The following ARHGAP23 variants were observed in gnomAD, a reference collection of about 807,000 sequenced individuals.
ARHGAP23 encodes the protein Rho GTPase activating protein 23.
In ARHGAP23, 34 loss-of-function variants were observed where a neutral mutation model predicts 136.3. The observed-to-expected ratio is 0.25, with a 90% CI of 0.19 to 0.33. ARHGAP23 has a LOEUF of 0.33. ARHGAP23 is among the 10% of genes least tolerant of loss of function. ARHGAP23 has a pLI of 1.00. For missense variants in ARHGAP23, 1,808 were observed against 2,139.0 expected, an observed-to-expected ratio of 0.85 and a Z score of 3.05; for synonymous variants, 832 against 920.5, an observed-to-expected ratio of 0.90 and a Z score of 1.74.
chr17:38,432,054 A>T (rs2038696606), intron 1 of ARHGAP23, among the ~76,000 whole-genome samples: 1 of 152,208 alleles, frequency 6.6e-6, no homozygotes, highest in African/African-American at 2.4e-5. Context: ...ACCAGGGAAC[A>T]GCCCCGCCTG....
Position 38,457,783 on chromosome 17 carries a change from G to A in ARHGAP23, c.64-319G>A, listed in dbSNP as rs1412768529. The stretch of plus-strand genomic sequence containing the variant: ...GGCTGTATCCAGGGTCCTGCACATA[G>A]TAGGTGCTCAGTGAACATTTGCTGA... On this transcript the variant is annotated intron_variant, in intron 1 of 23. Coordinates refer to ENST00000622683, the MANE Select transcript of ARHGAP23 (RefSeq NM_001199417.2). 6 of 475,028 alleles carry A rather than the reference G, an allele frequency of 1.3e-5. No individual in the cohort carries two copies. The East Asian group carries it at 2.4e-4, about 19-fold the overall frequency. 29.4% of individuals were successfully genotyped at this position (475,028 alleles called of 1,614,324 possible). A position where few individuals can be genotyped will look rare whatever the true frequency, so the allele number is the denominator to read the frequency against.
At position 38,462,862 on chromosome 17, in the gene ARHGAP23, C is replaced by T; in HGVS notation, c.270C>T (p.Tyr90=). The T allele has an allele frequency of 6.6e-7, 1 of 1,522,856 alleles. No individual in the cohort carries two copies. The highest frequency in any genetic ancestry group is 1.3e-5 in the South Asian group (1 of 79,500). 94.3% of individuals were successfully genotyped at this position (1,522,856 alleles called of 1,614,324 possible). Residue 90 remains tyrosine, a synonymous_variant, in exon 4 of 24, where the codon TAC becomes TAT. Transcript: ENST00000622683. ...GGRGGGPSPR[Y]RLEPMDTIFV... is the part of the protein sequence containing the mutation. The stretch of plus-strand genomic sequence containing the variant: ...GCCCACTAGGACCCTCCCCCCGGTA[C>T]CGCCTGGAGCCCATGGACACCATCT...
intron 1 of ARHGAP23, among the ~76,000 whole-genome samples, chr17:38,444,776 C>T (rs1420340353): frequency 6.6e-6 from 1 of 151,958 alleles, no homozygotes. Context: ...GAGACTTCTC[C>T]TGGGCACCAA....
Position 38,466,534 on chromosome 17 carries a change from G to GT in ARHGAP23, c.851_852insT (p.Gln285ProfsTer69), listed in dbSNP as rs1567798934. The stretch of plus-strand genomic sequence containing the variant: ...CGGGTGCCCCCCAGCAGACTGGAGT[G>GT]CCAGCAGGCCTTGTCACACTGGCTG... On this transcript the variant is annotated frameshift_variant, in exon 7 of 24. Coordinates refer to ENST00000622683, the MANE Select transcript of ARHGAP23 (RefSeq NM_001199417.2). LOFTEE classifies it high-confidence loss of function. 4.8e-6 allele frequency: 7 copies of GT among 1,472,446 alleles called. No individual in the cohort carries two copies. Among genetic ancestry groups the GT allele is most frequent in the Non-Finnish European group, 6.3e-6 (7 of 1,115,660 alleles). The allele number at this position is 1,472,446 out of a possible 1,614,324, so 91.2% of individuals were successfully genotyped here.
intron 1 of ARHGAP23, among the ~76,000 whole-genome samples, chr17:38,442,246 A>G (rs1231961144): frequency 6.6e-6 from 1 of 152,134 alleles, no homozygotes; most frequent in Non-Finnish European, 1.5e-5. Flanking sequence ...GGCATGAGCC[A>G]CCATGCCCGG....
intron 1 of ARHGAP23, among the ~76,000 whole-genome samples, chr17:38,453,479 G>T (rs925712453): frequency 6.7e-6 from 1 of 150,010 alleles, no homozygotes; most frequent in South Asian, 2.1e-4. Flanking sequence ...GCGCTGGAAG[G>T]GTGCAAGGTG....
At chr17:38,502,271 A>C (rs2040539144) in intron 23 of ARHGAP23, among the ~76,000 whole-genome samples, 1 of 152,212 alleles carries the variant, frequency 6.6e-6, no homozygotes, top group African/African-American at 2.4e-5. Context: ...GTGCCACTGC[A>C]CTCCAGTCTG....
rs150132681 is a variant in ARHGAP23, at chr17:38,476,229, G to A, written c.2119-1350G>A. Among the ~76,000 whole-genome samples, 310 of 152,310 alleles carry A rather than the reference G, an allele frequency of 2.0e-3. 3 individuals carry two copies. Among genetic ancestry groups the A allele is most frequent in the African/African-American group, 7.3e-3 (304 of 41,564 alleles). ...GCTGCTGGAGAATGGTTGCAGGAGCGAGAGTAGAGACTGGGAAGGTCTGTG... is the reference window on the plus strand; with the variant it reads ...GCTGCTGGAGAATGGTTGCAGGAGCAAGAGTAGAGACTGGGAAGGTCTGTG... On this transcript the variant is annotated intron_variant, in intron 11 of 23. Transcript: ENST00000622683.
intron 8 of ARHGAP23, 99 bp downstream of exon 8, chr17:38,469,398 G>T (rs1055415589): frequency 1.4e-6 from 2 of 1,469,468 alleles, no homozygotes; most frequent in Non-Finnish European, 1.8e-6. Flanking sequence ...CTCTTCCTCT[G>T]GTTTCCGCTT....
chr17:38,484,958 G>T (rs1297790989), intron 16 of ARHGAP23, among the ~76,000 whole-genome samples: 1 of 152,044 alleles, frequency 6.6e-6, no homozygotes, highest in Admixed American at 6.6e-5. Flanking sequence ...CTCTTTGTTG[G>T]GGGTATTAGG....
At chr17:38,500,253 C>A in intron 22 of ARHGAP23, 1 of 345,978 alleles carries the variant, frequency 2.9e-6, no homozygotes, top group Non-Finnish European at 5.3e-6. Context: ...CATTTTCTCT[C>A]CAGTGCTTCA....
chr17:38,460,964 A>C (rs1382936150), intron 3 of ARHGAP23, 32 bp downstream of exon 3: 14 of 1,534,916 alleles, frequency 9.1e-6, no homozygotes, highest in African/African-American at 4.1e-5. Flanking sequence ...CTGGACCTGC[A>C]CGGGACTCCT....
In ARHGAP23 at chr17:38,504,256, C is replaced by T. The variant is rs28729149; in HGVS notation, c.3447+3628C>T. 5.8e-3 allele frequency among the ~76,000 whole-genome samples: 888 copies of T among 152,298 alleles called. 10 individuals are homozygous for T. Among genetic ancestry groups the T allele is most frequent in the African/African-American group, 0.021 (853 of 41,560 alleles). ...GAAACGGAGGCACAGACGAGGCTGC[C>T]GGTCTATTAAGTACAGCGATAGGAA... On this transcript the variant is annotated intron_variant, in intron 23 of 23. Transcript: ENST00000622683.
Position 38,447,212 on chromosome 17 carries a change from C to T in ARHGAP23, c.64-10890C>T, listed in dbSNP as rs185250044. ...ATCCCAGCACTTCGGGAGGCCGAGGCGGGTGGATCATTTGAGGTCAGGAGT... is the reference window on the plus strand; with the variant it reads ...ATCCCAGCACTTCGGGAGGCCGAGGTGGGTGGATCATTTGAGGTCAGGAGT... On this transcript the variant is annotated intron_variant, in intron 1 of 23. Coordinates refer to ENST00000622683, the MANE Select transcript of ARHGAP23 (RefSeq NM_001199417.2). Among the ~76,000 whole-genome samples, 5 of 152,062 alleles carry T rather than the reference C, an allele frequency of 3.3e-5. No individual in the cohort carries two copies. The East Asian group carries it at 7.8e-4, about 24-fold the overall frequency.
intron 10 of ARHGAP23, 141 bp downstream of exon 10, chr17:38,470,045 C>T (rs1209024859): frequency 3.4e-5 from 38 of 1,120,864 alleles, no homozygotes; most frequent in Non-Finnish European, 4.7e-5. Flanking sequence ...CCCTCACCCT[C>T]GTGTCCACCG....
intron 1 of ARHGAP23, among the ~76,000 whole-genome samples, chr17:38,449,550 C>A (rs9630731): frequency 0.18 from 26,656 of 152,132 alleles, 3,472 homozygotes; most frequent in African/African-American, 0.37. Flanking sequence ...CTGAGGGGGC[C>A]GCCGCCCTTG....
intron 22 of ARHGAP23, chr17:38,498,867 C>G (rs1156845002): frequency 1.4e-6 from 1 of 696,716 alleles, no homozygotes; most frequent in Non-Finnish European, 2.6e-6. Context: ...CCCCGCCTCT[C>G]CCTCCTCTTC....
In ARHGAP23 at chr17:38,482,046, C is replaced by A; in HGVS notation, c.2654C>A (p.Thr885Asn). ...SKDDSAAAPK[T>N]PWGINIIKKN... ...GATGACAGTGCTGCAGCCCCCAAAA[C>A]CCCCTGGGGCATCAACATCATCAAG... is the stretch of plus-strand genomic sequence containing the variant. Residue 885 changes from threonine (T) to asparagine (N), a missense_variant, in exon 15 of 24, where the codon ACC (threonine) becomes AAC (asparagine). By Grantham distance (65) the Thr-to-Asn change is moderately conservative. This residue lies in a region of ARHGAP23 where 73 missense variants were observed against 82.5 expected (regional missense o/e 0.88). Transcript: ENST00000622683. 1 of 1,547,412 alleles carries A rather than the reference C, an allele frequency of 6.5e-7. No individual in the cohort carries two copies. Among genetic ancestry groups the A allele is most frequent in the Non-Finnish European group, 8.7e-7 (1 of 1,145,330 alleles).
chr17:38,506,078 G>A (rs1420471167), intron 23 of ARHGAP23, among the ~76,000 whole-genome samples: 1 of 152,190 alleles, frequency 6.6e-6, no homozygotes, highest in Non-Finnish European at 1.5e-5. Context: ...ATTCCGGCTG[G>A]TAATTAGCTT....
Sources: gnomAD v4.1 joint callset for allele counts (sites outside exome capture counted in the v4.1 genomes callset) on GRCh38, gnomAD v4.1.1 for gene constraint, gnomAD v4.1.1 regional missense constraint, MANE v1.5 for transcripts, NCBI Gene and HGNC (gene_info 2026-07-23, HGNC 2026-07-21) for gene names.